The following MAGI2 variants were observed in gnomAD, a reference collection of about 807,000 sequenced individuals.
MAGI2 encodes membrane associated guanylate kinase, WW and PDZ domain containing 2.
MAGI2 carries 35 observed loss-of-function variants against 133.3 expected under a neutral mutation model. The ratio of observed to expected loss-of-function variants is 0.26; its 90% CI spans 0.20 to 0.35. The LOEUF is 0.35. Among genes scored for constraint, MAGI2 ranks in the 10% least tolerant of loss-of-function variants. The pLI, the probability that MAGI2 is intolerant of heterozygous loss-of-function variation, is 1.00. For synonymous variants in MAGI2, 729 were observed against 710.6 expected (o/e 1.03, Z -0.41); for missense variants, 1,636 against 1,863.4 (o/e 0.88, Z 2.25).
chr7:78,911,104 G>C (rs1209903370), intron 2 of MAGI2, among the ~76,000 whole-genome samples: 1 of 152,048 alleles, frequency 6.6e-6, no homozygotes, highest in East Asian at 1.9e-4. Context: ...TTTACTTTTA[G>C]AATTAGTTAT....
chr7:79,374,168 C>T (rs1230314661), intron 1 of MAGI2, among the ~76,000 whole-genome samples: 1 of 151,950 alleles, frequency 6.6e-6, no homozygotes, highest in Non-Finnish European at 1.5e-5. Context: ...GGTTGAATTA[C>T]TTCTCTCAAA....
Position 79,048,509 on chromosome 7 carries a change from T to C in MAGI2, c.302-41303A>G, listed in dbSNP as rs372524655. 5.3e-5 allele frequency among the ~76,000 whole-genome samples: 8 copies of C among 152,360 alleles called. No individual in the cohort carries two copies. In the East Asian group the frequency reaches 1.5e-3, roughly 29 times the overall value. ...CTTACTGCTAAAACATTTTTTAGTG[T>C]GTTTCAGCTGTGCACTTATCACATT... On this transcript the variant is annotated intron_variant, in intron 1 of 21. Transcript: ENST00000354212.
chr7:79,330,032 G>A (rs1839949497), intron 1 of MAGI2, among the ~76,000 whole-genome samples: 1 of 151,860 alleles, frequency 6.6e-6, no homozygotes, highest in Admixed American at 6.6e-5. Context: ...CTAATAGATG[G>A]GCTTTAGCAG....
chr7:78,531,342 TAGCTGGG>T (rs1797456279), intron 3 of MAGI2, among the ~76,000 whole-genome samples: 1 of 151,850 alleles, frequency 6.6e-6, no homozygotes, highest in Non-Finnish European at 1.5e-5. Flanking sequence ...GTCTCCCAAG[TAGCTGGG>T]GCTACAGGCA....
chr7:79,333,036 C>G (rs370026527), intron 1 of MAGI2, among the ~76,000 whole-genome samples: 28 of 152,282 alleles, frequency 1.8e-4, no homozygotes, highest in Non-Finnish European at 2.6e-4. Flanking sequence ...CAGTATAGCT[C>G]TCATCCAGTC....
chr7:78,430,620 GTTA>G (rs1799703139), intron 6 of MAGI2, among the ~76,000 whole-genome samples: 1 of 151,944 alleles, frequency 6.6e-6, no homozygotes, highest in African/African-American at 2.4e-5. Context: ...TTAAACAGTT[GTTA>G]TAGGAGGAAA....
chr7:78,754,672 C>T (rs1438193293), intron 2 of MAGI2, among the ~76,000 whole-genome samples: 1 of 152,092 alleles, frequency 6.6e-6, no homozygotes, highest in East Asian at 1.9e-4. Context: ...CACACTTGGG[C>T]AATCAATATA....
intron 7 of MAGI2, among the ~76,000 whole-genome samples, chr7:78,357,041 A>G (rs936084327): frequency 6.6e-6 from 1 of 152,240 alleles, no homozygotes; most frequent in Non-Finnish European, 1.5e-5. Flanking sequence ...TTGAGGAGCA[A>G]ACAAGATAAA....
chr7:78,933,238 A>G (rs972148521), intron 2 of MAGI2, among the ~76,000 whole-genome samples: 1 of 152,132 alleles, frequency 6.6e-6, no homozygotes, highest in Non-Finnish European at 1.5e-5. Context: ...AATAATGTTT[A>G]TGCTATGTAC....
chr7:79,292,770 C>CAAAAAAAAAAAAAAAAAAAAAAA (rs199933554), intron 1 of MAGI2, among the ~76,000 whole-genome samples: 1 of 57,396 alleles, frequency 1.7e-5, no homozygotes, highest in Non-Finnish European at 3.2e-5. Flanking sequence ...TCAATTTCTG[C>CAAAAAAAAAAAAAAAAAAAAAAA]AAAAAAAAAA....
At chr7:79,122,227 G>A (rs1304886563) in intron 1 of MAGI2, among the ~76,000 whole-genome samples, 1 of 152,058 alleles carries the variant, frequency 6.6e-6, no homozygotes, top group Admixed American at 6.6e-5. Context: ...CTTCCTTTAA[G>A]TTTGCAAGGA....
intron 1 of MAGI2, among the ~76,000 whole-genome samples, chr7:79,311,866 T>C (rs1370250622): frequency 3.9e-5 from 6 of 152,178 alleles, no homozygotes; most frequent in Non-Finnish European, 7.3e-5. Flanking sequence ...AATCTTGAAG[T>C]CATTCTTGCC....
intron 21 of MAGI2, among the ~76,000 whole-genome samples, chr7:78,054,999 C>T (rs1235248264): frequency 6.6e-6 from 1 of 152,098 alleles, no homozygotes; most frequent in Non-Finnish European, 1.5e-5. Context: ...TTCATTCATT[C>T]ACACAATGTA....
chr7:78,351,436 A>G (rs1423155432), intron 7 of MAGI2, among the ~76,000 whole-genome samples: 1 of 151,864 alleles, frequency 6.6e-6, no homozygotes, highest in African/African-American at 2.4e-5. Context: ...GAAAAGCACT[A>G]TATTAGGGAT....
chr7:78,859,921 G>A (rs1302748062), intron 2 of MAGI2, among the ~76,000 whole-genome samples: 2 of 152,058 alleles, frequency 1.3e-5, no homozygotes. Context: ...CATATTTCTT[G>A]GAGGTTTTGT....
chr7:78,598,337 G>A (rs1168750353), intron 3 of MAGI2, among the ~76,000 whole-genome samples: 2 of 152,088 alleles, frequency 1.3e-5, no homozygotes, highest in Non-Finnish European at 2.9e-5. Context: ...GGAGAAAGGA[G>A]TTAGTCTGGT....
chr7:79,263,604 T>G (rs2129556621), intron 1 of MAGI2, among the ~76,000 whole-genome samples: 1 of 152,278 alleles, frequency 6.6e-6, no homozygotes, highest in East Asian at 1.9e-4. Context: ...TTCAATATAT[T>G]TATCCTGCAA....
chr7:79,018,743 C>T (rs2116664960), intron 1 of MAGI2, among the ~76,000 whole-genome samples: 1 of 152,206 alleles, frequency 6.6e-6, no homozygotes, highest in Non-Finnish European at 1.5e-5. Context: ...GCAGAGGTTG[C>T]TATTCTAATT....
At chr7:78,766,013 T>C (rs1181054983) in intron 2 of MAGI2, among the ~76,000 whole-genome samples, 2 of 152,196 alleles carry the variant, frequency 1.3e-5, no homozygotes, top group African/African-American at 2.4e-5. Context: ...CATAAACAGC[T>C]GTACGAATCC....
Sources: gnomAD v4.1 joint callset for allele counts (sites outside exome capture counted in the v4.1 genomes callset) on GRCh38, gnomAD v4.1.1 for gene constraint, MANE v1.5 for transcripts, NCBI Gene and HGNC (gene_info 2026-07-23, HGNC 2026-07-21) for gene names.